The following LINGO1 variants were observed in gnomAD, a reference collection of about 807,000 sequenced individuals.
The protein encoded by LINGO1 is leucine rich repeat and Ig domain containing 1, also known as leucine-rich repeat and immunoglobulin-like domain-containing nogo receptor-interacting protein 1.
In LINGO1, 11 loss-of-function variants were observed where a neutral mutation model predicts 37.3. That is an observed-to-expected ratio of 0.29 (90% CI 0.19 to 0.49). The LOEUF is 0.49. Ranked by LOEUF, LINGO1 falls within the 20% of genes least tolerant of loss-of-function variation. The probability of loss-of-function intolerance (pLI) is 0.99; values close to 1 mark genes in which losing one functional copy is unlikely to be tolerated. For synonymous variants in LINGO1, 387 were observed against 403.0 expected (o/e 0.96, Z 0.48); for missense variants, 585 against 878.2 (o/e 0.67, Z 4.22).
chr15:77,772,874 G>A (rs370577734), intron 1 of LINGO1, among the ~76,000 whole-genome samples: 1 of 152,122 alleles, frequency 6.6e-6, no homozygotes, highest in Non-Finnish European at 1.5e-5. Context: ...AGCATGGTTC[G>A]TTAAGGCGCT....
At chr15:77,628,302 C>T (rs183084211) in intron 1 of LINGO1, among the ~76,000 whole-genome samples, 72 of 152,232 alleles carry the variant, frequency 4.7e-4, no homozygotes, top group African/African-American at 1.6e-3. Context: ...ATGGAAATAA[C>T]CTAAATGTCC....
At chr15:77,751,788 A>G (rs2076374266) in intron 1 of LINGO1, among the ~76,000 whole-genome samples, 1 of 152,188 alleles carries the variant, frequency 6.6e-6, no homozygotes, top group African/African-American at 2.4e-5. Context: ...TCACCCTTCT[A>G]CGGGCTCAGA....
At chr15:77,795,388 T>C (rs2076864807) in intron 2 of LINGO1, among the ~76,000 whole-genome samples, 2 of 152,182 alleles carry the variant, frequency 1.3e-5, no homozygotes, top group Non-Finnish European at 2.9e-5. Flanking sequence ...ACATCTCCTC[T>C]GTTCACAGAG....
chr15:77,702,999 G>A (rs1323656056), intron 2 of LINGO1, among the ~76,000 whole-genome samples: 2 of 152,200 alleles, frequency 1.3e-5, no homozygotes, highest in East Asian at 1.9e-4. Flanking sequence ...GAACCCACTG[G>A]CTTTGGACCA....
chr15:77,772,923 G>A (rs1221158512), intron 1 of LINGO1, among the ~76,000 whole-genome samples: 1 of 152,176 alleles, frequency 6.6e-6, no homozygotes, highest in Non-Finnish European at 1.5e-5. Context: ...GGACTGGGAG[G>A]CCAGGGGAGT....
At chr15:77,794,604 T>TGAGACGGAGTCTCGCTCTGTCGCCCAGGC (rs2076857139) in intron 2 of LINGO1, among the ~76,000 whole-genome samples, 1 of 133,820 alleles carries the variant, frequency 7.5e-6, no homozygotes, top group East Asian at 2.1e-4. Flanking sequence ...TTTTTTTTTT[T>TGAGACGGAGTCTCGCTCTGTCGCCCAGGC]TGAGACGGAG....
intron 1 of LINGO1, among the ~76,000 whole-genome samples, chr15:77,761,727 T>C (rs1395884031): frequency 2.0e-5 from 3 of 152,190 alleles, no homozygotes; most frequent in African/African-American, 7.2e-5. Context: ...CTTCTCAGCT[T>C]CAGGGACATG....
At chr15:77,641,749 G>A (rs2074511350) in intron 3 of LINGO1, 1 of 420,672 alleles carries the variant, frequency 2.4e-6, no homozygotes, top group African/African-American at 2.0e-5. Flanking sequence ...AAGAGGCCCA[G>A]AGACACAGAG....
chr15:77,781,270 A>C (rs1304273487), intron 1 of LINGO1, among the ~76,000 whole-genome samples: 1 of 152,158 alleles, frequency 6.6e-6, no homozygotes, highest in African/African-American at 2.4e-5. Context: ...TTCTGCCTCC[A>C]GCAAAGGTAA....
At chr15:77,797,744 C>T (rs534820390) in intron 1 of LINGO1, among the ~76,000 whole-genome samples, 4 of 152,300 alleles carry the variant, frequency 2.6e-5, no homozygotes, top group African/African-American at 7.2e-5. Context: ...ATTCACAAGG[C>T]CTTCCAGATG....
chr15:77,751,393 GC>G (rs2076369918), intron 1 of LINGO1, among the ~76,000 whole-genome samples: 2 of 152,286 alleles, frequency 1.3e-5, no homozygotes, highest in South Asian at 4.1e-4. Flanking sequence ...TATCTACCTT[GC>G]CCGTGGGGTT....
In LINGO1 at chr15:77,777,232, G is replaced by A. The variant is rs571968218; in HGVS notation, c.-257+9637C>T. On this transcript the variant is annotated intron_variant, in intron 1 of 3. Coordinates refer to the LINGO1 transcript ENST00000561686. Reference sequence around the variant, plus strand: ...GGTCAACCAGCCAGTGGTGTGTGGTGGTATTATTGATTACTGTCGTTGTTA... The same window carrying A: ...GGTCAACCAGCCAGTGGTGTGTGGTAGTATTATTGATTACTGTCGTTGTTA... Among the ~76,000 whole-genome samples the A allele has an allele frequency of 2.7e-5, 4 of 150,258 alleles. No homozygotes were observed. The East Asian group carries it at 5.9e-4, about 22-fold the overall frequency.
intron 3 of LINGO1, among the ~76,000 whole-genome samples, chr15:77,672,564 C>T (rs2075269026): frequency 6.6e-6 from 1 of 152,118 alleles, no homozygotes; most frequent in Admixed American, 6.5e-5. Context: ...CCCTCCTCAC[C>T]TCTCACTTCA....
At chr15:77,784,195 C>T (rs1030003640) in intron 1 of LINGO1, among the ~76,000 whole-genome samples, 25 of 152,356 alleles carry the variant, frequency 1.6e-4, no homozygotes, top group African/African-American at 4.6e-4. Context: ...AGAGTTGGTT[C>T]GCATAGCAGA....
intron 1 of LINGO1, among the ~76,000 whole-genome samples, chr15:77,772,177 G>A (rs2076592340): frequency 6.6e-6 from 1 of 152,194 alleles, no homozygotes; most frequent in South Asian, 2.1e-4. Flanking sequence ...ACTCCACCTG[G>A]CTTATCTAAC....
intron 3 of LINGO1, among the ~76,000 whole-genome samples, chr15:77,658,290 A>G (rs1207506353): frequency 6.6e-6 from 1 of 152,182 alleles, no homozygotes; most frequent in Non-Finnish European, 1.5e-5. Context: ...TGGGACTCCC[A>G]AAGCCCACCC....
At chr15:77,702,063 G>T (rs1021987224) in intron 2 of LINGO1, among the ~76,000 whole-genome samples, 1 of 152,150 alleles carries the variant, frequency 6.6e-6, no homozygotes, top group Non-Finnish European at 1.5e-5. Context: ...CACAGATGGT[G>T]CCTGAAGGCC....
rs774886860 is a variant in LINGO1, at chr15:77,614,018, G to C, written c.*26C>G. Reference sequence around the variant, plus strand: ...GGCCCCTTCCCCTGCCCGGCCGCCCGGGGGTCCCTGCCCCCCGCCCCGGCC... The same window carrying C: ...GGCCCCTTCCCCTGCCCGGCCGCCCCGGGGTCCCTGCCCCCCGCCCCGGCC... On this transcript the variant is annotated 3_prime_UTR_variant, in exon 2 of 2. Transcript: ENST00000355300. 2 of 1,539,330 alleles carry C rather than the reference G, an allele frequency of 1.3e-6. No individual in the cohort carries two copies. Among genetic ancestry groups the C allele is most frequent in the African/African-American group, 1.4e-5 (1 of 72,768 alleles).
At chr15:77,646,248 G>A (rs948482464) in intron 3 of LINGO1, 1 of 294,772 alleles carries the variant, frequency 3.4e-6, no homozygotes, top group South Asian at 3.0e-5. Flanking sequence ...AAATGTGTCT[G>A]GTCCAGGCAT....
Sources: gnomAD v4.1 joint callset for allele counts (sites outside exome capture counted in the v4.1 genomes callset) on GRCh38, gnomAD v4.1.1 for gene constraint, MANE v1.5 for transcripts, NCBI Gene and HGNC (gene_info 2026-07-23, HGNC 2026-07-21) for gene names.